Variants in TLE4 observed in about 807,000 individuals in gnomAD.
TLE4 encodes TLE family member 4, transcriptional corepressor.
In TLE4, 8 loss-of-function variants were observed where a neutral mutation model predicts 92.8. The observed-to-expected ratio is 0.09, with a 90% CI of 0.05 to 0.16. The LOEUF is 0.16. Ranked by LOEUF, TLE4 falls within the 10% of genes least tolerant of loss-of-function variation. TLE4 has a pLI of 1.00. For synonymous variants in TLE4, 371 were observed against 374.1 expected (o/e 0.99, Z 0.10); for missense variants, 675 against 997.6 (o/e 0.68, Z 4.36).
chr9:79,706,688 C>CA, intron 10 of TLE4, 59 bp from the exon 11 acceptor site: 14 of 1,559,226 alleles, frequency 9.0e-6, no homozygotes, highest in Non-Finnish European at 1.2e-5. Flanking sequence ...CCACACCCAA[C>CA]AACCCCAGCA....
chr9:79,666,220 T>TC (rs2061387338), intron 8 of TLE4, among the ~76,000 whole-genome samples: 1 of 43,800 alleles, frequency 2.3e-5, no homozygotes, highest in Non-Finnish European at 6.8e-5. Flanking sequence ...TTTTTTTGTT[T>TC]TTTTTTTTTT....
intron 8 of TLE4, among the ~76,000 whole-genome samples, chr9:79,684,039 A>G (rs1439197133): frequency 6.6e-6 from 1 of 152,162 alleles, no homozygotes; most frequent in Non-Finnish European, 1.5e-5. Flanking sequence ...AATTTACATT[A>G]TTTTCATCTA....
chr9:79,598,876 G>A (rs1158114494), intron 4 of TLE4, among the ~76,000 whole-genome samples: 2 of 152,138 alleles, frequency 1.3e-5, no homozygotes, highest in African/African-American at 4.8e-5. Context: ...GTTCAGATCA[G>A]TTTTGCATTC....
At chr9:79,597,966 C>T (rs1185984426) in intron 4 of TLE4, among the ~76,000 whole-genome samples, 1 of 151,696 alleles carries the variant, frequency 6.6e-6, no homozygotes, top group African/African-American at 2.4e-5. Context: ...GGCGTGGTGG[C>T]TCACGCCTGT....
chr9:79,697,841 C>G (rs1161533478), intron 8 of TLE4, among the ~76,000 whole-genome samples: 1 of 152,036 alleles, frequency 6.6e-6, no homozygotes, highest in Non-Finnish European at 1.5e-5. Context: ...ATATGTAATA[C>G]TTTTGTATCC....
chr9:79,706,772 C>T lies in TLE4; in HGVS notation c.809C>T (p.Pro270Leu), dbSNP rs746262169. ...GATCCATCTTCCCCTCGAGGGAGCC[C>T]AGCACATTCCCCCAGAGAGAATGGC... ...NEDPSSPRGS[P>L]AHSPRENGLD... Residue 270 changes from proline to leucine, a missense_variant, in exon 11 of 20, where the codon CCA becomes CTA. Physicochemically the swap from Pro to Leu is moderately conservative, Grantham distance 98. Coordinates refer to ENST00000376552, the MANE Select transcript of TLE4 (RefSeq NM_007005.6). The T allele has an allele frequency of 6.2e-7, 1 of 1,614,012 alleles. No homozygotes were observed. The highest frequency in any genetic ancestry group is 8.5e-7 in the Non-Finnish European group (1 of 1,179,984).
chr9:79,676,920 T>C (rs926138248), intron 8 of TLE4, among the ~76,000 whole-genome samples: 4 of 152,186 alleles, frequency 2.6e-5, no homozygotes, highest in African/African-American at 9.6e-5. Flanking sequence ...AAATCAAAGA[T>C]GTGTTCAGTA....
chr9:79,624,782 A>G (rs1244322818), intron 5 of TLE4, among the ~76,000 whole-genome samples: 1 of 152,226 alleles, frequency 6.6e-6, no homozygotes, highest in Non-Finnish European at 1.5e-5. Context: ...TCATGCTAGA[A>G]TGGCACTAAG....
intron 8 of TLE4, among the ~76,000 whole-genome samples, chr9:79,686,951 A>C (rs1156846777): frequency 6.6e-6 from 1 of 152,224 alleles, no homozygotes; most frequent in Non-Finnish European, 1.5e-5. Context: ...AGAACTGTAC[A>C]TGTTAAAAGC....
At chr9:79,647,966 A>T (rs1465113530) in intron 6 of TLE4, among the ~76,000 whole-genome samples, 1 of 151,568 alleles carries the variant, frequency 6.6e-6, no homozygotes, top group Non-Finnish European at 1.5e-5. Flanking sequence ...ATAGAGACAG[A>T]TGAGAGAGTA....
intron 4 of TLE4, among the ~76,000 whole-genome samples, chr9:79,611,249 C>T (rs1439463763): frequency 1.3e-5 from 2 of 152,046 alleles, no homozygotes; most frequent in African/African-American, 4.8e-5. Flanking sequence ...GCTAAATGCT[C>T]CATGGGGCCA....
chr9:79,709,988 A>G (rs1186297558), intron 14 of TLE4, among the ~76,000 whole-genome samples: 2 of 152,232 alleles, frequency 1.3e-5, no homozygotes. Flanking sequence ...TCTTTGTTCC[A>G]AAAGTCTGAT....
At chr9:79,668,219 G>A (rs2061715538) in intron 8 of TLE4, among the ~76,000 whole-genome samples, 1 of 152,178 alleles carries the variant, frequency 6.6e-6, no homozygotes, top group South Asian at 2.1e-4. Flanking sequence ...CTGGATAATT[G>A]TGAAGGATTC....
chr9:79,623,333 AT>A (rs1418411308), intron 5 of TLE4, among the ~76,000 whole-genome samples: 9 of 152,154 alleles, frequency 5.9e-5, no homozygotes, highest in Non-Finnish European at 1.3e-4. Flanking sequence ...TGAGAAATAT[AT>A]ATTAAACACC....
At chr9:79,665,254 C>G (rs778354026) in intron 8 of TLE4, among the ~76,000 whole-genome samples, 1 of 152,154 alleles carries the variant, frequency 6.6e-6, no homozygotes, top group Non-Finnish European at 1.5e-5. Context: ...GACAGATGAA[C>G]TTGCAGTCCA....
intron 10 of TLE4, among the ~76,000 whole-genome samples, chr9:79,706,392 C>CT (rs911130463): frequency 0.016 from 2,267 of 146,190 alleles, 20 homozygotes; most frequent in African/African-American, 0.031. Context: ...TGTTATTGAT[C>CT]TTTTTTTTTT....
chr9:79,694,878 T>A (rs886678053), intron 8 of TLE4, among the ~76,000 whole-genome samples: 1 of 152,016 alleles, frequency 6.6e-6, no homozygotes, highest in Non-Finnish European at 1.5e-5. Context: ...GTCACTATTC[T>A]CTAAATGAGC....
At position 79,572,785 on chromosome 9, in the gene TLE4, G is replaced by A; in HGVS notation, c.-6G>A. 1.2e-6 allele frequency: 2 copies of A among 1,600,872 alleles called. No individual in the cohort carries two copies. The highest frequency in any genetic ancestry group is 1.4e-5 in the African/African-American group (1 of 73,354). On this transcript the variant is annotated 5_prime_UTR_variant, in exon 1 of 20. Coordinates refer to ENST00000376552, the MANE Select transcript of TLE4 (RefSeq NM_007005.6). ...CTGCCGAGCGCAGCCAACTAAATCG[G>A]CTTGGATGATTCGCGACCTGAGCAA...
At chr9:79,619,271 A>C (rs2050381557) in intron 5 of TLE4, among the ~76,000 whole-genome samples, 1 of 151,856 alleles carries the variant, frequency 6.6e-6, no homozygotes, top group South Asian at 2.1e-4. Context: ...TGGAAAACAA[A>C]CCCCTTCTAC....
Sources: gnomAD v4.1 joint callset for allele counts (sites outside exome capture counted in the v4.1 genomes callset) on GRCh38, gnomAD v4.1.1 for gene constraint, MANE v1.5 for transcripts, NCBI Gene and HGNC (gene_info 2026-07-23, HGNC 2026-07-21) for gene names.